BANK1: variants seen among roughly 807,000 people sequenced by gnomAD.
The protein encoded by BANK1 is B-cell scaffold protein with ankyrin repeats.
A neutral mutation model predicts 94.5 loss-of-function variants in BANK1; 95 were observed. That is an observed-to-expected ratio of 1.00 (90% CI 0.85 to 1.19). The LOEUF is 1.19. Ranked by LOEUF, BANK1 falls within the 50% of genes most tolerant of loss-of-function variation. The pLI is 0.00. For missense variants in BANK1, 987 were observed against 932.2 expected, an observed-to-expected ratio of 1.06 and a Z score of -0.77; for synonymous variants, 334 against 308.4, an observed-to-expected ratio of 1.08 and a Z score of -0.87.
intron 11 of BANK1, among the ~76,000 whole-genome samples, chr4:102,052,580 C>G (rs1033467350): frequency 6.6e-6 from 1 of 151,926 alleles, no homozygotes; most frequent in African/African-American, 2.4e-5. Context: ...TCAAAAGCAC[C>G]AAGCTATCAA....
At chr4:102,043,779 AC>A in intron 10 of BANK1, 59 bp from the exon 11 acceptor site, 1 of 1,123,748 alleles carries the variant, frequency 8.9e-7, no homozygotes. Flanking sequence ...GGAGACTTCT[AC>A]AGTATGGATT....
At chr4:101,900,947 A>T (rs1722263782) in intron 6 of BANK1, among the ~76,000 whole-genome samples, 1 of 152,190 alleles carries the variant, frequency 6.6e-6, no homozygotes, top group Admixed American at 6.5e-5. Flanking sequence ...AGAAATTTCC[A>T]TAAAGAGACT....
chr4:102,055,168 A>T (rs1454294851), intron 11 of BANK1, among the ~76,000 whole-genome samples: 3 of 152,046 alleles, frequency 2.0e-5, no homozygotes, highest in Non-Finnish European at 1.5e-5. Flanking sequence ...GTTAACCAGG[A>T]TAAGTTTTGC....
At chr4:101,816,202 A>G (rs2148856738) in intron 1 of BANK1, among the ~76,000 whole-genome samples, 1 of 152,338 alleles carries the variant, frequency 6.6e-6, no homozygotes, top group Middle Eastern at 3.4e-3. Context: ...ATTGCTCGCA[A>G]AGGAAAACTG....
chr4:101,867,695 A>T (rs1336250325), intron 4 of BANK1, among the ~76,000 whole-genome samples: 1 of 151,670 alleles, frequency 6.6e-6, no homozygotes, highest in Non-Finnish European at 1.5e-5. Context: ...ATTACTAAAA[A>T]TTTTTTAAAA....
At chr4:101,835,225 A>G (rs562753513) in intron 2 of BANK1, among the ~76,000 whole-genome samples, 27 of 152,310 alleles carry the variant, frequency 1.8e-4, no homozygotes, top group African/African-American at 6.0e-4. Flanking sequence ...TGAAATTGTT[A>G]TAAAATCAAC....
At chr4:101,862,752 A>C in intron 4 of BANK1, 88 bp downstream of exon 4, 1 of 1,301,290 alleles carries the variant, frequency 7.7e-7, no homozygotes, top group Non-Finnish European at 1.0e-6. Flanking sequence ...CTTCCTTACA[A>C]AAACTAATAT....
At chr4:101,813,131 C>T (rs924026103) in intron 1 of BANK1, among the ~76,000 whole-genome samples, 5 of 151,984 alleles carry the variant, frequency 3.3e-5, no homozygotes, top group Admixed American at 6.6e-5. Context: ...ACAATATTCA[C>T]TTCAGAATTG....
chr4:101,799,094 G>C (rs1030418557), intron 1 of BANK1, among the ~76,000 whole-genome samples: 2 of 152,096 alleles, frequency 1.3e-5, no homozygotes, highest in African/African-American at 4.8e-5. Flanking sequence ...TACGGTTTTA[G>C]GTCTAACATT....
At chr4:101,823,987 A>G (rs1726270674) in intron 1 of BANK1, among the ~76,000 whole-genome samples, 1 of 152,234 alleles carries the variant, frequency 6.6e-6, no homozygotes, top group African/African-American at 2.4e-5. Context: ...AAATGGAGAA[A>G]GATAAGAAAG....
chr4:101,895,835 G>A (rs1722054807), intron 6 of BANK1, among the ~76,000 whole-genome samples: 1 of 151,622 alleles, frequency 6.6e-6, no homozygotes, highest in South Asian at 2.1e-4. Context: ...TATGCTTCCC[G>A]GGGTGATGTT....
chr4:101,955,295 G>T (rs1724300315), intron 7 of BANK1, among the ~76,000 whole-genome samples: 1 of 152,122 alleles, frequency 6.6e-6, no homozygotes, highest in Non-Finnish European at 1.5e-5. Context: ...CATTCAAATA[G>T]ATTGTTCAAA....
intron 13 of BANK1, among the ~76,000 whole-genome samples, chr4:102,066,325 C>T (rs1728591356): frequency 6.6e-6 from 1 of 150,588 alleles, no homozygotes; most frequent in African/African-American, 2.4e-5. Context: ...GGCACGATCT[C>T]GGCTCACTGC....
intron 13 of BANK1, among the ~76,000 whole-genome samples, chr4:102,064,711 A>G (rs1230375102): frequency 6.6e-6 from 1 of 152,224 alleles, no homozygotes; most frequent in Non-Finnish European, 1.5e-5. Context: ...TATATGAAGC[A>G]AGTGATATTA....
rs1358260472 is a variant in BANK1 at position 102,030,207 on chromosome 4, C to A, written c.1842C>A (p.Pro614=). 6.2e-7 allele frequency: 1 copy of A among 1,613,092 alleles called. No homozygotes were observed. The highest frequency in any genetic ancestry group is 8.5e-7 in the Non-Finnish European group (1 of 1,179,718). The stretch of plus-strand genomic sequence containing the variant: ...TCATTATAAATAGACCTCCTGCCCC[C>A]ACACCCCGACCCACAAGTATACCTC... ...RSFIINRPPA[P]TPRPTSIPPK... Residue 614 remains proline, a synonymous_variant, in exon 10 of 17, where the codon CCC becomes CCA. Transcript: ENST00000322953.
intron 8 of BANK1, among the ~76,000 whole-genome samples, chr4:102,022,457 C>T (rs942125123): frequency 6.6e-6 from 1 of 152,150 alleles, no homozygotes. Flanking sequence ...CTTTCATTAT[C>T]CTAGTCCACA....
chr4:101,881,711 T>C (rs1728682503), intron 5 of BANK1, among the ~76,000 whole-genome samples: 1 of 152,156 alleles, frequency 6.6e-6, no homozygotes, highest in South Asian at 2.1e-4. Context: ...GTCATACTTA[T>C]ACACAAGGGA....
chr4:102,042,104 TCA>T (rs1727721030), intron 10 of BANK1, among the ~76,000 whole-genome samples: 1 of 152,024 alleles, frequency 6.6e-6, no homozygotes, highest in Non-Finnish European at 1.5e-5. Flanking sequence ...TTAACCATTC[TCA>T]GTTATATCTT....
At chr4:101,941,373 G>A (rs574861878) in intron 7 of BANK1, among the ~76,000 whole-genome samples, 1 of 151,866 alleles carries the variant, frequency 6.6e-6, no homozygotes, top group East Asian at 1.9e-4. Flanking sequence ...TGCTAGAGGT[G>A]CTCACTGCTA....
Sources: gnomAD v4.1 joint callset for allele counts (sites outside exome capture counted in the v4.1 genomes callset) on GRCh38, gnomAD v4.1.1 for gene constraint, MANE v1.5 for transcripts, NCBI Gene and HGNC (gene_info 2026-07-23, HGNC 2026-07-21) for gene names.